The following SLTM variants were observed in gnomAD, a reference collection of about 807,000 sequenced individuals.
SLTM encodes the protein SAFB like transcription modulator, also known as SAFB-like transcription modulator.
Under a neutral mutation model 134.6 loss-of-function variants are expected in SLTM, and 43 were observed. The ratio of observed to expected loss-of-function variants is 0.32; its 90% CI spans 0.25 to 0.41. The LOEUF (loss-of-function observed/expected upper bound fraction) is 0.41. SLTM is among the 10% of genes least tolerant of loss of function. The probability of loss-of-function intolerance (pLI) is 1.00; values close to 1 mark genes in which losing one functional copy is unlikely to be tolerated. For missense variants in SLTM, 1,055 were observed against 1,288.8 expected, an observed-to-expected ratio of 0.82 and a Z score of 2.78; for synonymous variants, 424 against 432.3, an observed-to-expected ratio of 0.98 and a Z score of 0.24.
intron 2 of SLTM, among the ~76,000 whole-genome samples, chr15:58,931,699 C>T (rs2037891711): frequency 6.6e-6 from 1 of 152,210 alleles, no homozygotes; most frequent in African/African-American, 2.4e-5. Context: ...TTTAAAACCA[C>T]TTTTAGCTAG....
Position 58,887,316 on chromosome 15 carries a change from G to C in SLTM, c.2600C>G (p.Pro867Arg), listed in dbSNP as rs1401798992. The change falls in exon 18 of 21, where the codon CCT becomes CGT. Residue 867 changes from proline to arginine, a missense_variant. Transcript: ENST00000380516. Reference protein sequence around the residue: ...IIHDRPDITHPRHPREAGPNP... With the variant: ...IIHDRPDITHRRHPREAGPNP... ...GGGCCCTGCCTCTCGAGGATGTCTA[G>C]GATGAGTGATATCAGGCCTGTCATG... The C allele has an allele frequency of 3.7e-6, 6 of 1,613,986 alleles. No homozygotes were observed. Among genetic ancestry groups the C allele is most frequent in the African/African-American group, 1.3e-5 (1 of 74,874 alleles).
chr15:58,927,436 A>C (rs2037557874), intron 2 of SLTM, among the ~76,000 whole-genome samples: 1 of 152,042 alleles, frequency 6.6e-6, no homozygotes, highest in Non-Finnish European at 1.5e-5. Flanking sequence ...TGCCCAGCTA[A>C]TTTTTTGTAT....
In SLTM at chr15:58,879,821, A is replaced by T; in HGVS notation, c.*178T>A. The T allele has an allele frequency of 2.8e-6, 2 of 717,388 alleles. No individual in the cohort carries two copies. Among genetic ancestry groups the T allele is most frequent in the Non-Finnish European group, 2.1e-6 (1 of 477,162 alleles). The allele number at this position is 717,388 out of a possible 1,614,324, so 44.4% of individuals were successfully genotyped here. On this transcript the variant is annotated 3_prime_UTR_variant, in exon 21 of 21. Transcript: ENST00000380516. Reference sequence around the variant, plus strand: ...ATGATACACAAAACTATTAAAAGTTACAACAGAACTATTTAAACATCTTCT... The same window carrying T: ...ATGATACACAAAACTATTAAAAGTTTCAACAGAACTATTTAAACATCTTCT...
chr15:58,928,808 T>A (rs186090451), intron 2 of SLTM, among the ~76,000 whole-genome samples: 1 of 152,356 alleles, frequency 6.6e-6, no homozygotes, highest in Admixed American at 6.5e-5. Flanking sequence ...ATATATTATG[T>A]CTCGCTGATG....
chr15:58,906,817 A>C (rs550102364), intron 5 of SLTM, among the ~76,000 whole-genome samples: 1 of 152,320 alleles, frequency 6.6e-6, no homozygotes, highest in Non-Finnish European at 1.5e-5. Context: ...TTTAGCTGGA[A>C]AGACTGAACT....
At chr15:58,918,205 C>T (rs2036779176) in intron 2 of SLTM, among the ~76,000 whole-genome samples, 4 of 151,726 alleles carry the variant, frequency 2.6e-5, no homozygotes, top group South Asian at 4.2e-4. Flanking sequence ...AAAAAAAAGA[C>T]ATCTGCTGGA....
At chr15:58,888,652 A>G in intron 16 of SLTM, 97 bp from the exon 17 acceptor site, 4 of 1,185,186 alleles carry the variant, frequency 3.4e-6, no homozygotes, top group Non-Finnish European at 4.8e-6. Flanking sequence ...AGAACTGTGG[A>G]CATAACAGGG....
Position 58,893,052 on chromosome 15 carries a change from T to C in SLTM, c.1743A>G (p.Gly581=). Residue 581 remains glycine (G), a synonymous_variant, in exon 14 of 21, where the codon GGA becomes GGG. Transcript: ENST00000380516. ...TAGCTCTCTCCTTTTCCTTACTTCT[T>C]CCATGAATCTGTAGAAAAAAATTAG... ...SRRGRYEKIH[G]RSKEKERASL... 2 of 1,575,190 alleles carry C rather than the reference T, an allele frequency of 1.3e-6. No individual in the cohort carries two copies. The highest frequency in any genetic ancestry group is 1.7e-4 in the Middle Eastern group (1 of 5,894).
chr15:58,880,170 C>A, intron 20 of SLTM, 63 bp from the exon 21 acceptor site: 1 of 1,572,052 alleles, frequency 6.4e-7, no homozygotes, highest in East Asian at 2.3e-5. Flanking sequence ...CTGCAAATAC[C>A]AGGCACTGTT....
In SLTM at chr15:58,917,566, A is replaced by C. The variant is rs917749098; in HGVS notation, c.251-567T>G. Among the ~76,000 whole-genome samples, 3 of 152,172 alleles carry C rather than the reference A, an allele frequency of 2.0e-5. No homozygotes were observed. The South Asian group carries it at 6.2e-4, about 31-fold the overall frequency. ...TAAATACAGTGACTACTTTTATGCT[A>C]ATTATTTATTTCTCCAAAAGCCTAA... is the stretch of plus-strand genomic sequence containing the variant. On this transcript the variant is annotated intron_variant, in intron 2 of 20. Transcript: ENST00000380516.
intron 2 of SLTM, among the ~76,000 whole-genome samples, chr15:58,918,575 TTGTGAGA>T (rs1461780190): frequency 6.6e-6 from 1 of 152,220 alleles, no homozygotes; most frequent in East Asian, 1.9e-4. Flanking sequence ...AGCTGAAGGC[TTGTGAGA>T]ACCAAACAAG....
At chr15:58,905,917 C>A (rs1436024313) in intron 5 of SLTM, among the ~76,000 whole-genome samples, 1 of 152,140 alleles carries the variant, frequency 6.6e-6, no homozygotes, top group Non-Finnish European at 1.5e-5. Context: ...TTATGACATA[C>A]ATTTATATGC....
intron 2 of SLTM, among the ~76,000 whole-genome samples, chr15:58,919,060 T>G (rs1428793422): frequency 6.6e-6 from 1 of 152,050 alleles, no homozygotes; most frequent in African/African-American, 2.4e-5. Flanking sequence ...TACAGGCGCG[T>G]GCTACCATAC....
rs2034408523 is a variant in SLTM at position 58,888,540 on chromosome 15, G to A, written c.2220C>T (p.Tyr740=). The A allele has an allele frequency of 6.2e-7, 1 of 1,613,306 alleles. No homozygotes were observed. Among genetic ancestry groups the A allele is most frequent in the African/African-American group, 1.3e-5 (1 of 74,806 alleles). ...RDVDHRRDDP[Y]WSENKKLSLD... is the part of the protein sequence containing the mutation. ...GAGACAACTTTTTATTCTCGCTCCA[G>A]TAAGGATCATCTCGCCTTGAAGAGA... The change falls in exon 17 of 21, where the codon TAC becomes TAT. Residue 740 remains tyrosine (Y), a synonymous_variant. Coordinates refer to ENST00000380516, the MANE Select transcript of SLTM (RefSeq NM_024755.4).
rs764936124 is a variant in SLTM, at chr15:58,893,211, G to A, written c.1734+68C>T. On this transcript the variant is annotated intron_variant, in intron 13 of 20. Coordinates refer to ENST00000380516, the MANE Select transcript of SLTM (RefSeq NM_024755.4). ...ATGCAAGTACGCAAAGATGGTTATG[G>A]AAAAACAGAATTATCTTCTTTTGTA... 8 of 1,472,288 alleles carry A rather than the reference G, an allele frequency of 5.4e-6. No individual in the cohort carries two copies. The African/African-American group carries it at 1.1e-4, about 21-fold the overall frequency. The allele number at this position is 1,472,288 out of a possible 1,614,324, so 91.2% of individuals were successfully genotyped here.
chr15:58,884,362 A>C (rs1041593254), intron 19 of SLTM, among the ~76,000 whole-genome samples: 18 of 152,054 alleles, frequency 1.2e-4, no homozygotes, highest in African/African-American at 4.1e-4. Context: ...CTCTGTTGCC[A>C]GGCTGGAATG....
chr15:58,894,045 A>G, intron 11 of SLTM, 45 bp downstream of exon 11: 1 of 1,600,008 alleles, frequency 6.2e-7, no homozygotes, highest in Non-Finnish European at 8.5e-7. Flanking sequence ...GTACCAAAAA[A>G]GTCTATCTGC....
intron 20 of SLTM, 80 bp downstream of exon 20, chr15:58,883,544 GTC>G: frequency 6.4e-7 from 1 of 1,555,046 alleles, no homozygotes; most frequent in Non-Finnish European, 8.8e-7. Context: ...TTGCAATTCA[GTC>G]TCTCAGAAAC....
intron 2 of SLTM, among the ~76,000 whole-genome samples, chr15:58,918,538 T>A (rs1214556800): frequency 6.6e-6 from 1 of 151,790 alleles, no homozygotes; most frequent in Admixed American, 6.6e-5. Context: ...AGATTAGGAG[T>A]GGGGATTTTT....
Sources: gnomAD v4.1 joint callset for allele counts (sites outside exome capture counted in the v4.1 genomes callset) on GRCh38, gnomAD v4.1.1 for gene constraint, MANE v1.5 for transcripts, NCBI Gene and HGNC (gene_info 2026-07-23, HGNC 2026-07-21) for gene names.